Variants in HEPH observed in about 807,000 individuals in gnomAD.
HEPH encodes hephaestin.
A neutral mutation model predicts 80.8 loss-of-function variants in HEPH; 69 were observed. The ratio of observed to expected loss-of-function variants is 0.85; its 90% CI spans 0.70 to 1.04. The LOEUF is 1.04. Among genes scored for constraint, HEPH ranks in the 50% least tolerant of loss-of-function variants. HEPH has a pLI of 0.00. For synonymous variants in HEPH, 431 were observed against 322.8 expected (o/e 1.34, Z -3.60); for missense variants, 1,115 against 891.3 (o/e 1.25, Z -3.20).
At chrX:66,215,688 T>C (rs1382615275) in intron 15 of HEPH, among the ~76,000 whole-genome samples, 1 of 111,485 alleles carries the variant, frequency 9.0e-6, no homozygotes, top group Non-Finnish European at 1.9e-5. Flanking sequence ...ATCCATATCA[T>C]GAATCTTTGC....
Position 66,192,160 on chromosome X carries a change from C to T in HEPH, c.1094C>T (p.Ser365Phe). The T allele has an allele frequency of 8.3e-7, 1 of 1,210,049 alleles. No individual in the cohort carries two copies. Among genetic ancestry groups the T allele is most frequent in the Non-Finnish European group, 1.1e-6 (1 of 894,892 alleles). ...DGMQALYKVK[S>F]CSMAPPVDLL... is the part of the protein sequence containing the mutation. The stretch of plus-strand genomic sequence containing the variant: ...ATGCAGGCACTCTACAAGGTCAAGT[C>T]TTGCTCCATGGCCCCTCCTGTGGAC... Residue 365 changes from serine to phenylalanine, a missense_variant, in exon 7 of 21, where the codon TCT becomes TTT. Coordinates refer to ENST00000343002, the MANE Select transcript of HEPH (RefSeq NM_001367233.3).
intron 15 of HEPH, among the ~76,000 whole-genome samples, chrX:66,254,196 TGTAATG>T (rs2148178961): frequency 9.0e-6 from 1 of 111,253 alleles, no homozygotes; most frequent in Admixed American, 9.6e-5. Flanking sequence ...TAGGAAGCTT[TGTAATG>T]GTTGAGTTAA....
At chrX:66,193,450 G>A (rs2087918515) in intron 7 of HEPH, 52 bp from the exon 8 acceptor site, 1 of 872,157 alleles carries the variant, frequency 1.1e-6, no homozygotes, top group Admixed American at 2.9e-5. Context: ...TGAGATGGGA[G>A]TCTATTTGAT....
At chrX:66,182,072 T>A (rs1435138169) in intron 4 of HEPH, among the ~76,000 whole-genome samples, 4 of 103,997 alleles carry the variant, frequency 3.8e-5, no homozygotes, top group African/African-American at 1.4e-4. Context: ...TCTGTTTTGG[T>A]ACCAGTACCA....
At chrX:66,176,445 A>G (rs961940346) in intron 4 of HEPH, among the ~76,000 whole-genome samples, 1 of 111,416 alleles carries the variant, frequency 9.0e-6, no homozygotes, top group African/African-American at 3.3e-5. Context: ...TATTTTGCTA[A>G]GGATTTTAGG....
chrX:66,217,134 C>T (rs186008390), intron 15 of HEPH, among the ~76,000 whole-genome samples: 124 of 111,203 alleles, frequency 1.1e-3, no homozygotes, highest in African/African-American at 3.9e-3. Flanking sequence ...GAACATTTCC[C>T]TGGCCTTGCT....
At chrX:66,224,867 C>T (rs1487577420) in intron 15 of HEPH, among the ~76,000 whole-genome samples, 1 of 109,363 alleles carries the variant, frequency 9.1e-6, no homozygotes, top group Non-Finnish European at 1.9e-5. Context: ...CTCTGATTTT[C>T]TGTCTCTTTT....
chrX:66,241,376 A>T (rs973613475), intron 15 of HEPH, among the ~76,000 whole-genome samples: 1 of 111,841 alleles, frequency 8.9e-6, no homozygotes, highest in Non-Finnish European at 1.9e-5. Context: ...ACTCACATGC[A>T]ATGACACCCA....
At chrX:66,244,838 A>G (rs928841862) in intron 15 of HEPH, among the ~76,000 whole-genome samples, 1 of 106,640 alleles carries the variant, frequency 9.4e-6, no homozygotes, top group African/African-American at 3.4e-5. Context: ...TCTTGCTTTT[A>G]TATTCTTTGA....
chrX:66,239,164 A>G (rs2090474080), intron 15 of HEPH, among the ~76,000 whole-genome samples: 1 of 112,203 alleles, frequency 8.9e-6, no homozygotes, highest in Non-Finnish European at 1.9e-5. Flanking sequence ...CCCAACATCC[A>G]GTATCCCTGG....
chrX:66,216,934 A>C (rs1248419039), intron 15 of HEPH, among the ~76,000 whole-genome samples: 1 of 111,918 alleles, frequency 8.9e-6, no homozygotes, highest in Non-Finnish European at 1.9e-5. Flanking sequence ...GAAGTAGAAT[A>C]GCTTCAGAAT....
In HEPH at chrX:66,256,304, C is replaced by T; in HGVS notation, c.2870C>T (p.Thr957Ile). 1.7e-6 allele frequency: 2 copies of T among 1,208,380 alleles called. No individual in the cohort carries two copies. The highest frequency in any genetic ancestry group is 2.2e-6 in the Non-Finnish European group (2 of 892,874). The change falls in exon 17 of 21, where the codon ACT becomes ATT. Residue 957 changes from threonine to isoleucine, a missense_variant. Transcript: ENST00000343002. Reference sequence around the variant, plus strand: ...GGCAGTATTAACCTACAGGATGAAACTTTCTTGGAGAGCAATAAAATGCAT... The same window carrying T: ...GGCAGTATTAACCTACAGGATGAAATTTTCTTGGAGAGCAATAAAATGCAT... The part of the protein sequence containing the change: ...DPGSINLQDE[T>I]FLESNKMHAI...
At chrX:66,168,743 A>G (rs55881476) in intron 1 of HEPH, among the ~76,000 whole-genome samples, 43,582 of 111,014 alleles carry the variant, frequency 0.39, 9,640 homozygotes, top group African/African-American at 0.86. Flanking sequence ...CCTATTTCAT[A>G]TGCTTGGGTT....
At chrX:66,172,642 T>C (rs917213047) in intron 3 of HEPH, 43 bp downstream of exon 3, 1 of 1,097,893 alleles carries the variant, frequency 9.1e-7, no homozygotes, top group Non-Finnish European at 1.2e-6. Context: ...CCAACAAATA[T>C]CACTTTTCCT....
chrX:66,249,472 G>A (rs1355975087), intron 15 of HEPH, among the ~76,000 whole-genome samples: 1 of 111,627 alleles, frequency 9.0e-6, no homozygotes, highest in Non-Finnish European at 1.9e-5. Context: ...AATGAGGCTT[G>A]AGGAGTGTAT....
intron 15 of HEPH, among the ~76,000 whole-genome samples, chrX:66,250,313 A>T (rs1354932806): frequency 9.0e-6 from 1 of 111,626 alleles, no homozygotes; most frequent in African/African-American, 3.3e-5. Context: ...AGCTCTCCTC[A>T]TTCCTTGAGA....
chrX:66,176,860 A>G (rs776920586), intron 4 of HEPH, among the ~76,000 whole-genome samples: 25 of 111,891 alleles, frequency 2.2e-4, no homozygotes, highest in Non-Finnish European at 3.4e-4. Context: ...GTAGTATTCC[A>G]TGGTGTATAT....
intron 15 of HEPH, among the ~76,000 whole-genome samples, chrX:66,217,951 A>G (rs2089470058): frequency 8.9e-6 from 1 of 112,000 alleles, no homozygotes; most frequent in African/African-American, 3.2e-5. Context: ...AGGAACAGAC[A>G]TTATATAATA....
chrX:66,187,830 C>T (rs996350770), intron 4 of HEPH, among the ~76,000 whole-genome samples: 4 of 111,968 alleles, frequency 3.6e-5, no homozygotes, highest in East Asian at 5.6e-4. Flanking sequence ...GATGATCCTA[C>T]GAACCTTTTT....
Sources: gnomAD v4.1 joint callset for allele counts (sites outside exome capture counted in the v4.1 genomes callset) on GRCh38, gnomAD v4.1.1 for gene constraint, MANE v1.5 for transcripts, NCBI Gene and HGNC (gene_info 2026-07-23, HGNC 2026-07-21) for gene names.